Variants in AMELY observed in about 807,000 individuals in gnomAD.
AMELY encodes amelogenin Y-linked.
Under a neutral mutation model 4.2 loss-of-function variants are expected in AMELY, and 4 were observed. That is an observed-to-expected ratio of 0.96 (90% CI 0.47 to 2.19). The LOEUF (loss-of-function observed/expected upper bound fraction) is 2.19, where lower values mean the gene tolerates loss of function less well. Ranked by LOEUF, AMELY falls within the 30% of genes most tolerant of loss-of-function variation. The pLI, the probability that AMELY is intolerant of heterozygous loss-of-function variation, is 0.02. For synonymous variants in AMELY, 11 were observed against 14.7 expected (o/e 0.75, Z 0.57); for missense variants, 32 against 41.5 (o/e 0.77, Z 0.63).
At chrY:6,879,390 T>A in intron 1 of AMELY, among the ~76,000 whole-genome samples, 3 of 33,944 alleles carry the variant, frequency 8.8e-5, no homozygotes, top group Non-Finnish European at 2.2e-4. Flanking sequence ...GTTTTCTTCT[T>A]GTGAATTTTT....
At chrY:6,881,738 T>A in intron 1 of AMELY, among the ~76,000 whole-genome samples, 1 of 33,395 alleles carries the variant, frequency 3.0e-5, no homozygotes, top group Non-Finnish European at 7.4e-5. Context: ...ATAAGCAACT[T>A]CAGGATACAA....
At chrY:6,905,460 CTCTTTCTTTCTT>C in intron 1 of AMELY, among the ~76,000 whole-genome samples, 7 of 31,151 alleles carry the variant, frequency 2.2e-4, no homozygotes, top group African/African-American at 7.6e-4. Flanking sequence ...TTCTTTCTTT[CTCTTTCTTTCTT>C]TCTTTCTTTC....
intron 6 of AMELY, 51 bp downstream of exon 6, chrY:6,867,986 C>G: frequency 2.7e-6 from 1 of 374,759 alleles, no homozygotes; most frequent in East Asian, 9.9e-5. Context: ...GCCAACTTTG[C>G]TGCACCATTT....
chrY:6,896,864 G>T, intron 1 of AMELY, among the ~76,000 whole-genome samples: 1 of 32,652 alleles, frequency 3.1e-5, no homozygotes, highest in Admixed American at 2.9e-4. Context: ...AAGAATGCTG[G>T]AAGAGTCCAG....
chrY:6,885,710 T>C, intron 1 of AMELY, among the ~76,000 whole-genome samples: 4 of 34,324 alleles, frequency 1.2e-4, no homozygotes, highest in African/African-American at 3.4e-4. Flanking sequence ...AAAATGAAAT[T>C]ATTCTTTGCA....
At chrY:6,884,827 A>G (rs955883443) in intron 1 of AMELY, among the ~76,000 whole-genome samples, 3 of 33,601 alleles carry the variant, frequency 8.9e-5, no homozygotes, top group Non-Finnish European at 1.5e-4. Flanking sequence ...AGAGTTATAA[A>G]TCGTCCATCT....
At chrY:6,909,921 A>G (rs749783438) in intron 1 of AMELY, among the ~76,000 whole-genome samples, 1 of 33,056 alleles carries the variant, frequency 3.0e-5, no homozygotes, top group East Asian at 8.2e-4. Flanking sequence ...AATATTCAAC[A>G]CGGCAGGCCT....
chrY:6,868,495 G>A (rs370390013), intron 5 of AMELY, 33 bp from the exon 6 acceptor site: 92 of 389,549 alleles, frequency 2.4e-4, no homozygotes, highest in Non-Finnish European at 1.2e-4. Context: ...GTTTACCATT[G>A]GCTCACGTGA....
rs1235579529 is a variant in AMELY, at chrY:6,895,556, C to T, written c.-113+16117G>A. ...TTTCTGTCCAGCAGAACCCTCACAC[C>T]TATCACTTTGTGATGAATTTAAAGC... is the stretch of plus-strand genomic sequence containing the variant. On this transcript the variant is annotated intron_variant, in intron 1 of 6. Transcript: ENST00000651267. Among the ~76,000 whole-genome samples, 6 of 33,866 alleles carry T rather than the reference C, an allele frequency of 1.8e-4. No individual in the cohort carries two copies. The East Asian group carries it at 4.8e-3, about 27-fold the overall frequency. The allele number at this position is 33,866 out of a possible 37,273, so 90.9% of individuals were successfully genotyped here.
At chrY:6,886,274 G>A in intron 1 of AMELY, among the ~76,000 whole-genome samples, 1 of 33,780 alleles carries the variant, frequency 3.0e-5, no homozygotes, top group African/African-American at 1.2e-4. Flanking sequence ...GTCAAGAGTT[G>A]AAATAAAAAT....
chrY:6,891,832 T>C (rs2054083107), intron 1 of AMELY, among the ~76,000 whole-genome samples: 1 of 34,055 alleles, frequency 2.9e-5, no homozygotes, highest in South Asian at 6.6e-4. Flanking sequence ...CAGCCGTTAC[T>C]ACAGAGAGAT....
At chrY:6,895,504 G>T in intron 1 of AMELY, among the ~76,000 whole-genome samples, 2 of 33,465 alleles carry the variant, frequency 6.0e-5, no homozygotes, top group Non-Finnish European at 1.5e-4. Context: ...GAATTCACTC[G>T]AGAGATAGCA....
intron 6 of AMELY, 139 bp from the exon 7 acceptor site, chrY:6,866,217 T>G: frequency 2.4e-4 from 22 of 89,865 alleles, no homozygotes; most frequent in Non-Finnish European, 4.1e-4. Flanking sequence ...CAAAGTTTCT[T>G]TGTTCATTCG....
At chrY:6,894,201 G>C in intron 1 of AMELY, among the ~76,000 whole-genome samples, 1 of 33,049 alleles carries the variant, frequency 3.0e-5, no homozygotes, top group East Asian at 8.1e-4. Context: ...TCCATACTGG[G>C]GGGGTACTTC....
rs751645757 is a variant in AMELY, at chrY:6,897,340, A to C, written c.-113+14333T>G. ...AAGTGTGTGCCTCAAAACATACCCTATAGGCTGCCTATTTCTATAAATCAA... is the reference window on the plus strand; with the variant it reads ...AAGTGTGTGCCTCAAAACATACCCTCTAGGCTGCCTATTTCTATAAATCAA... On this transcript the variant is annotated intron_variant, in intron 1 of 6. Coordinates refer to ENST00000651267, the MANE Select transcript of AMELY (RefSeq NM_001143.2). Among the ~76,000 whole-genome samples, 3 of 33,431 alleles carry C rather than the reference A, an allele frequency of 9.0e-5. No homozygotes were observed. In the South Asian group the frequency reaches 2.0e-3, roughly 23 times the overall value. The allele number at this position is 33,431 out of a possible 37,273, so 89.7% of individuals were successfully genotyped here. A position where few individuals can be genotyped will look rare whatever the true frequency, so the allele number is the denominator to read the frequency against.
chrY:6,887,120 AGTT>A (rs2054080561), intron 1 of AMELY, among the ~76,000 whole-genome samples: 1 of 33,507 alleles, frequency 3.0e-5, no homozygotes, highest in Non-Finnish European at 7.4e-5. Context: ...TTCACAAAAT[AGTT>A]CTTCAAATAT....
chrY:6,873,077 G>T (rs2054069676), intron 2 of AMELY, among the ~76,000 whole-genome samples: 2 of 32,603 alleles, frequency 6.1e-5, no homozygotes, highest in African/African-American at 2.4e-4. Flanking sequence ...ATCCATCTAG[G>T]TATTGATATT....
At chrY:6,893,508 G>A (rs1603022826) in intron 1 of AMELY, among the ~76,000 whole-genome samples, 1 of 33,162 alleles carries the variant, frequency 3.0e-5, no homozygotes, top group South Asian at 7.0e-4. Context: ...TTCACAAGAC[G>A]TGTATTTGCA....
At chrY:6,885,331 T>C (rs373696069) in intron 1 of AMELY, among the ~76,000 whole-genome samples, 7 of 33,531 alleles carry the variant, frequency 2.1e-4, no homozygotes, top group Admixed American at 5.4e-4. Context: ...AAAAATTAGC[T>C]GGGCGTGGTG....
Sources: gnomAD v4.1 joint callset for allele counts (sites outside exome capture counted in the v4.1 genomes callset) on GRCh38, gnomAD v4.1.1 for gene constraint, MANE v1.5 for transcripts, NCBI Gene and HGNC (gene_info 2026-07-23, HGNC 2026-07-21) for gene names.